The following WWP2 variants were observed in gnomAD, a reference collection of about 807,000 sequenced individuals.
The protein encoded by WWP2 is WW domain containing E3 ubiquitin protein ligase 2, also known as NEDD4-like E3 ubiquitin-protein ligase WWP2.
A neutral mutation model predicts 121.0 loss-of-function variants in WWP2; 57 were observed. That is an observed-to-expected ratio of 0.47 (90% CI 0.38 to 0.59). The LOEUF (loss-of-function observed/expected upper bound fraction) is 0.59. Ranked by LOEUF, WWP2 falls within the 20% of genes least tolerant of loss-of-function variation. The pLI, the probability that WWP2 is intolerant of heterozygous loss-of-function variation, is 0.00. For synonymous variants in WWP2, 449 were observed against 441.3 expected (o/e 1.02, Z -0.22); for missense variants, 962 against 1,158.9 (o/e 0.83, Z 2.47).
intron 9 of WWP2, among the ~76,000 whole-genome samples, chr16:69,911,451 A>G (rs2058377633): frequency 6.6e-6 from 1 of 152,124 alleles, no homozygotes; most frequent in Non-Finnish European, 1.5e-5. Context: ...CTGCCTGCAT[A>G]TGGGAAGGGA....
intron 2 of WWP2, among the ~76,000 whole-genome samples, chr16:69,793,394 G>A (rs76409767): frequency 0.045 from 6,775 of 152,130 alleles, 525 homozygotes; most frequent in African/African-American, 0.16. Flanking sequence ...TGGGACTGTA[G>A]CATTGCATTA....
At chr16:69,914,971 G>A (rs759273655) in intron 9 of WWP2, among the ~76,000 whole-genome samples, 12 of 152,182 alleles carry the variant, frequency 7.9e-5, no homozygotes, top group Non-Finnish European at 1.3e-4. Flanking sequence ...CAAGACACAG[G>A]GAACTTAACC....
intron 1 of WWP2, among the ~76,000 whole-genome samples, chr16:69,764,190 A>G (rs2038678217): frequency 6.6e-6 from 1 of 152,200 alleles, no homozygotes; most frequent in African/African-American, 2.4e-5. Context: ...TATTGACACA[A>G]TAGAAAATTT....
chr16:69,939,910 T>C lies in WWP2; in HGVS notation c.2583T>C (p.Ile861=), dbSNP rs1159674611. The change falls in exon 24 of 24, where the codon ATT becomes ATC. Residue 861 remains isoleucine (I), a synonymous_variant. Transcript: ENST00000359154. ...TGAGAGAGAAGCTGCTGTATGCCAT[T>C]GAGGAGACCGAGGGCTTTGGACAGG... ...EQLREKLLYA[I]EETEGFGQE 1 of 1,613,904 alleles carries C rather than the reference T, an allele frequency of 6.2e-7. No homozygotes were observed. The highest frequency in any genetic ancestry group is 1.7e-5 in the Admixed American group (1 of 59,990).
chr16:69,850,316 G>A (rs1190793393), intron 6 of WWP2, among the ~76,000 whole-genome samples: 2 of 150,578 alleles, frequency 1.3e-5, no homozygotes, highest in South Asian at 2.1e-4. Context: ...GAACCCAGGA[G>A]GTGGAGCTTG....
intron 7 of WWP2, 126 bp from the exon 8 acceptor site, chr16:69,887,912 CT>C (rs2057953277): frequency 2.8e-5 from 31 of 1,122,970 alleles, no homozygotes; most frequent in Non-Finnish European, 3.5e-5. Flanking sequence ...AAACTTTTTG[CT>C]GTCGCCCAAT....
chr16:69,888,728 G>A (rs2057973346), intron 8 of WWP2, among the ~76,000 whole-genome samples: 1 of 150,652 alleles, frequency 6.6e-6, no homozygotes, highest in African/African-American at 2.4e-5. Flanking sequence ...TTTTAGAGAT[G>A]GAGTCTTAAT....
At chr16:69,768,934 G>T (rs534727374) in intron 1 of WWP2, among the ~76,000 whole-genome samples, 1 of 152,314 alleles carries the variant, frequency 6.6e-6, no homozygotes, top group African/African-American at 2.4e-5. Context: ...GAGGAAGGAG[G>T]CCAAGAAAGA....
chr16:69,930,298 A>C (rs1362753313), intron 13 of WWP2, 40 bp downstream of exon 13: 2 of 1,606,184 alleles, frequency 1.2e-6, no homozygotes, highest in Non-Finnish European at 8.5e-7. Context: ...TCAGGAGCCG[A>C]GGCCCAGGCT....
intron 12 of WWP2, among the ~76,000 whole-genome samples, 170 bp downstream of exon 12, chr16:69,929,699 G>A (rs1188522872): frequency 1.3e-5 from 2 of 152,224 alleles, no homozygotes; most frequent in African/African-American, 4.8e-5. Context: ...TTGGCCTGAT[G>A]AGAGCTTAAA....
At chr16:69,910,478 C>T (rs949637047) in intron 9 of WWP2, 1 of 521,952 alleles carries the variant, frequency 1.9e-6, no homozygotes, top group African/African-American at 2.1e-5. Context: ...GTGCAATCTC[C>T]AGCTCACTGC....
rs189619578 is a variant in WWP2 at position 69,925,043 on chromosome 16, G to A, written c.1180-387G>A. The A allele has an allele frequency of 2.2e-5, 22 of 1,004,746 alleles. No individual in the cohort carries two copies. The highest frequency in any genetic ancestry group is 2.0e-4 in the East Asian group (2 of 9,946). The allele number at this position is 1,004,746 out of a possible 1,614,324, so 62.2% of individuals were successfully genotyped here. A position where few individuals can be genotyped will look rare whatever the true frequency, so the allele number is the denominator to read the frequency against. On this transcript the variant is annotated intron_variant, in intron 10 of 23. Coordinates refer to ENST00000359154, the MANE Select transcript of WWP2 (RefSeq NM_001270454.2). The surrounding 1 kb of genome is among the most constrained non-coding windows in gnomAD (Gnocchi z 4.0). ...GTTGGAGGTGGTGGTGATTTCAGTC[G>A]CCTTGGCCGCCTTGAGCCGGAGCTG...
intron 4 of WWP2, among the ~76,000 whole-genome samples, chr16:69,804,790 A>T (rs774138710): frequency 2.0e-5 from 3 of 152,152 alleles, no homozygotes; most frequent in Non-Finnish European, 4.4e-5. Context: ...GGGAATTTTC[A>T]TACTGAACTC....
At position 69,940,052 on chromosome 16, in the gene WWP2, G is replaced by T. The variant is rs1011986276; in HGVS notation, c.*112G>T. The T allele has an allele frequency of 7.3e-6, 6 of 823,844 alleles. No homozygotes were observed. The African/African-American group carries it at 1.0e-4, about 14-fold the overall frequency. 51.0% of individuals were successfully genotyped at this position (823,844 alleles called of 1,614,324 possible). Reference sequence around the variant, plus strand: ...GAGGCCCCCGTGGATGTGGCCCTGTGTGGGACCACACTGTCATCTCGCTGC... The same window carrying T: ...GAGGCCCCCGTGGATGTGGCCCTGTTTGGGACCACACTGTCATCTCGCTGC... On this transcript the variant is annotated 3_prime_UTR_variant, in exon 24 of 24. Coordinates refer to ENST00000359154, the MANE Select transcript of WWP2 (RefSeq NM_001270454.2).
intron 8 of WWP2, 93 bp from the exon 9 acceptor site, chr16:69,908,668 A>G (rs2058335062): frequency 1.3e-6 from 2 of 1,563,790 alleles, no homozygotes; most frequent in Non-Finnish European, 1.7e-6. Flanking sequence ...CTTCCTGTAA[A>G]TTAGCCACAT....
At chr16:69,887,899 G>A in intron 7 of WWP2, 140 bp from the exon 8 acceptor site, 2 of 970,786 alleles carry the variant, frequency 2.1e-6, no homozygotes, top group Non-Finnish European at 3.0e-6. Flanking sequence ...GTCATGTTTT[G>A]TAAAACTTTT....
In WWP2 at chr16:69,871,829, G is replaced by C. The variant is rs1300726872; in HGVS notation, c.601G>C (p.Ala201Pro). The C allele has an allele frequency of 6.2e-7, 1 of 1,614,096 alleles. No individual in the cohort carries two copies. The highest frequency in any genetic ancestry group is 1.7e-5 in the Admixed American group (1 of 60,018). ...SRTHRHSGAS[A>P]RTTPATGEQS... ...GACGCACAGACATTCGGGTGCTTCAGCCAGAACAACCCCAGCAACCGGCGA... is the reference window on the plus strand; with the variant it reads ...GACGCACAGACATTCGGGTGCTTCACCCAGAACAACCCCAGCAACCGGCGA... The change falls in exon 7 of 24, where the codon GCC becomes CCC. Residue 201 changes from alanine to proline, a missense_variant. Physicochemically the swap from Ala to Pro is conservative, Grantham distance 27. This residue lies in a region of WWP2 where 211 missense variants were observed against 196.5 expected (regional missense o/e 1.07). Transcript: ENST00000359154.
At chr16:69,842,486 C>T (rs1329378058) in intron 6 of WWP2, among the ~76,000 whole-genome samples, 1 of 152,050 alleles carries the variant, frequency 6.6e-6, no homozygotes, top group African/African-American at 2.4e-5. Flanking sequence ...CCTCTCCCTC[C>T]TTGTTTTTGG....
At chr16:69,891,664 C>T (rs1403202349) in intron 8 of WWP2, among the ~76,000 whole-genome samples, 2 of 152,186 alleles carry the variant, frequency 1.3e-5, no homozygotes, top group African/African-American at 4.8e-5. Context: ...CCTGGCTCGA[C>T]TCAGCCATTC....
Sources: allele counts gnomAD v4.1 joint callset (sites outside exome capture counted in the v4.1 genomes callset), GRCh38; gene constraint gnomAD v4.1.1; regional missense constraint gnomAD v4.1.1; non-coding constraint Gnocchi (gnomAD v3.1); transcripts MANE v1.5; gene names NCBI Gene and HGNC (gene_info 2026-07-23, HGNC 2026-07-21).